NRXN3: variants seen among roughly 807,000 people sequenced by gnomAD.
The protein encoded by NRXN3 is neurexin III.
In NRXN3, 32 loss-of-function variants were observed where a neutral mutation model predicts 137.6. The ratio of observed to expected loss-of-function variants is 0.23; its 90% CI spans 0.18 to 0.31. The LOEUF (loss-of-function observed/expected upper bound fraction) is 0.31, where lower values mean the gene tolerates loss of function less well. NRXN3 is among the 10% of genes least tolerant of loss of function. The probability of loss-of-function intolerance (pLI) is 1.00; values close to 1 mark genes in which losing one functional copy is unlikely to be tolerated. For synonymous variants in NRXN3, 798 were observed against 784.5 expected, an observed-to-expected ratio of 1.02 and a Z score of -0.29; for missense variants, 1,574 against 2,062.5, an observed-to-expected ratio of 0.76 and a Z score of 4.59.
chr14:78,353,180 GA>G (rs2083794220), intron 4 of NRXN3, among the ~76,000 whole-genome samples: 2 of 152,174 alleles, frequency 1.3e-5, no homozygotes, highest in African/African-American at 4.8e-5. Context: ...TAATGCTAAG[GA>G]AAGTCAGGGA....
At chr14:79,139,534 C>T (rs1717313897) in intron 15 of NRXN3, among the ~76,000 whole-genome samples, 1 of 152,076 alleles carries the variant, frequency 6.6e-6, no homozygotes, top group African/African-American at 2.4e-5. Context: ...TACAATATTA[C>T]ACCTGTCCTG....
chr14:79,351,089 C>CTTTGG (rs35738387), intron 15 of NRXN3, among the ~76,000 whole-genome samples: 2 of 152,172 alleles, frequency 1.3e-5, no homozygotes, highest in African/African-American at 2.4e-5. Flanking sequence ...TACTTTCAAA[C>CTTTGG]TTTCAACTAA....
At chr14:78,601,999 A>C (rs930578007) in intron 4 of NRXN3, among the ~76,000 whole-genome samples, 1 of 152,144 alleles carries the variant, frequency 6.6e-6, no homozygotes, top group African/African-American at 2.4e-5. Context: ...TTTGGAGTTG[A>C]TTGCCTATGT....
chr14:79,293,554 A>G (rs145100627), intron 15 of NRXN3, among the ~76,000 whole-genome samples: 15 of 152,338 alleles, frequency 9.8e-5, no homozygotes, highest in Non-Finnish European at 1.5e-4. Context: ...GTCTCTTTCT[A>G]CTGCATCACA....
At chr14:78,477,027 C>T (rs1440962003) in intron 4 of NRXN3, among the ~76,000 whole-genome samples, 2 of 152,182 alleles carry the variant, frequency 1.3e-5, no homozygotes, top group African/African-American at 4.8e-5. Context: ...ATGGGTGCTG[C>T]AATCTCTTTA....
rs115089412 is a variant in NRXN3 at position 79,650,749 on chromosome 14, A to G, written c.3445-13029A>G. Among the ~76,000 whole-genome samples, 106 of 152,314 alleles carry G rather than the reference A, an allele frequency of 7.0e-4. 1 individual carries two copies. Among genetic ancestry groups the G allele is most frequent in the African/African-American group, 2.5e-3 (105 of 41,556 alleles). ...ATTTCTATGACTTGATTCTACTTAC[A>G]CATCTTATTGATTTGGAGAAATAAA... is the stretch of plus-strand genomic sequence containing the variant. On this transcript the variant is annotated intron_variant, in intron 16 of 20. Transcript: ENST00000335750.
intron 16 of NRXN3, among the ~76,000 whole-genome samples, chr14:79,618,489 G>A (rs991840833): frequency 1.3e-5 from 2 of 151,942 alleles, no homozygotes; most frequent in East Asian, 1.9e-4. Context: ...ATTGCCTCCA[G>A]GTGCATCCAT....
At chr14:79,670,661 A>G (rs191376318) in intron 17 of NRXN3, among the ~76,000 whole-genome samples, 186 of 152,206 alleles carry the variant, frequency 1.2e-3, no homozygotes, top group Non-Finnish European at 2.0e-3. Flanking sequence ...GTGCAAATCT[A>G]TCAACAAACT....
chr14:79,163,465 A>C (rs904865227), intron 15 of NRXN3, among the ~76,000 whole-genome samples: 6 of 151,992 alleles, frequency 3.9e-5, no homozygotes, highest in African/African-American at 1.4e-4. Flanking sequence ...CCATATTCTA[A>C]TGAAGTCATT....
At chr14:79,670,212 T>C (rs893812976) in intron 17 of NRXN3, among the ~76,000 whole-genome samples, 1 of 152,106 alleles carries the variant, frequency 6.6e-6, no homozygotes, top group South Asian at 2.1e-4. Flanking sequence ...TTATGTGTTT[T>C]CTACCATGTA....
chr14:78,344,741 A>T (rs2082521849), intron 4 of NRXN3, among the ~76,000 whole-genome samples: 1 of 152,176 alleles, frequency 6.6e-6, no homozygotes, highest in Non-Finnish European at 1.5e-5. Context: ...CATCCTGTTC[A>T]CTGTGCACCT....
intron 16 of NRXN3, among the ~76,000 whole-genome samples, chr14:79,574,533 C>A (rs1478949324): frequency 1.3e-5 from 2 of 152,004 alleles, no homozygotes; most frequent in African/African-American, 4.8e-5. Flanking sequence ...ATTATTGTAT[C>A]ATTATTATTA....
intron 15 of NRXN3, among the ~76,000 whole-genome samples, chr14:79,393,665 A>G (rs1567000114): frequency 6.6e-6 from 1 of 152,130 alleles, no homozygotes; most frequent in Non-Finnish European, 1.5e-5. Context: ...ATACAAAAAA[A>G]TTAACCGGGC....
intron 4 of NRXN3, among the ~76,000 whole-genome samples, chr14:78,599,316 G>A (rs12147587): frequency 6.6e-6 from 1 of 152,204 alleles, no homozygotes; most frequent in African/African-American, 2.4e-5. Context: ...TGCAACTTAT[G>A]CTGGCAAAGC....
intron 19 of NRXN3, among the ~76,000 whole-genome samples, chr14:79,738,791 C>T (rs61990357): frequency 0.32 from 48,465 of 151,790 alleles, 8,351 homozygotes; most frequent in Middle Eastern, 0.44. Flanking sequence ...ACTCCTGACC[C>T]CAAGTGATCC....
At chr14:78,989,056 T>C (rs2099513204) in intron 15 of NRXN3, among the ~76,000 whole-genome samples, 1 of 152,206 alleles carries the variant, frequency 6.6e-6, no homozygotes. Flanking sequence ...AGCACACACT[T>C]GAAATTTCTG....
rs757363315 is a variant in NRXN3 at position 79,853,905 on chromosome 14, G to A, written c.4094-7437G>A. The A allele has an allele frequency of 2.2e-5, 22 of 990,496 alleles. No individual in the cohort carries two copies. In the South Asian group the frequency reaches 5.0e-4, roughly 22 times the overall value. The allele number at this position is 990,496 out of a possible 1,614,324, so 61.4% of individuals were successfully genotyped here. ...GTTTGGTTTTTCAATCATAGCAATC[G>A]GAATTATTTTAAATTCAAAAATTGA... On this transcript the variant is annotated intron_variant, in intron 20 of 20. Transcript: ENST00000335750.
At chr14:79,518,666 C>A (rs115500023) in intron 16 of NRXN3, among the ~76,000 whole-genome samples, 1,864 of 152,140 alleles carry the variant, frequency 0.012, 32 homozygotes, top group African/African-American at 0.043. Context: ...ATAATTTTAT[C>A]ACTCTCTTTC....
chr14:79,283,272 C>A (rs1431713805), intron 15 of NRXN3, among the ~76,000 whole-genome samples: 1 of 152,106 alleles, frequency 6.6e-6, no homozygotes, highest in African/African-American at 2.4e-5. Context: ...AAAACTAGAG[C>A]CTTGAGTCCA....
Sources: gnomAD v4.1 joint callset for allele counts (sites outside exome capture counted in the v4.1 genomes callset) on GRCh38, gnomAD v4.1.1 for gene constraint, MANE v1.5 for transcripts, NCBI Gene and HGNC (gene_info 2026-07-23, HGNC 2026-07-21) for gene names.